The following OGFR variants were observed in gnomAD, a reference collection of about 807,000 sequenced individuals.
OGFR encodes the protein protein 7-60.
In OGFR, 18 loss-of-function variants were observed where a neutral mutation model predicts 33.6. The observed-to-expected ratio is 0.54, with a 90% confidence interval of 0.37 to 0.80. The LOEUF (loss-of-function observed/expected upper bound fraction) is 0.80. OGFR is among the 30% of genes least tolerant of loss of function. The pLI is 0.00. For missense variants in OGFR, 877 were observed against 955.8 expected (o/e 0.92, Z 1.09); for synonymous variants, 370 against 400.7 (o/e 0.92, Z 0.91).
intron 3 of OGFR, among the ~76,000 whole-genome samples, chr20:62,809,172 C>T (rs1272032768): frequency 1.3e-5 from 2 of 152,212 alleles, no homozygotes; most frequent in African/African-American, 4.8e-5. Context: ...GAGACTGTGC[C>T]TGCCACATCA....
At position 62,813,031 on chromosome 20, in the gene OGFR, C is replaced by T; in HGVS notation, c.1416C>T (p.Ala472=). The change falls in exon 7 of 7, where the codon GCC becomes GCT. Residue 472 remains alanine, a synonymous_variant. Coordinates refer to ENST00000290291, the MANE Select transcript of OGFR (RefSeq NM_007346.4). ...GTGCTGGGGACAGTGCTGCGGTGGC[C>T]AGTGGTGGTGCCCAGACCTTGGCCC... The part of the protein sequence containing the change: ...DEGAGDSAAV[A]SGGAQTLALA... 1.2e-6 allele frequency: 2 copies of T among 1,600,842 alleles called. No individual in the cohort carries two copies. Among genetic ancestry groups the T allele is most frequent in the Non-Finnish European group, 1.7e-6 (2 of 1,174,122 alleles).
chr20:62,808,130 C>G, intron 2 of OGFR, 117 bp from the exon 3 acceptor site: 3 of 830,152 alleles, frequency 3.6e-6, no homozygotes, highest in Non-Finnish European at 6.4e-6. Context: ...CAGGCGGGCT[C>G]TTGGGGTATT....
In OGFR at chr20:62,805,013, C is replaced by G; in HGVS notation, c.154C>G (p.Arg52Gly). Residue 52 changes from arginine (R) to glycine (G), a missense_variant, in exon 1 of 7, where the codon CGG (arginine) becomes GGG (glycine). By Grantham distance (125) the Arg-to-Gly change is moderately radical (BLOSUM62 -2). Transcript: ENST00000290291. ...GGAGTCGGAGGAGCCGCGGGCGGCG[C>G]GGCCCAGCTCGTTCCAGGTGCGGCC... is the stretch of plus-strand genomic sequence containing the variant. ...DEESEEPRAA[R>G]PSSFQSRMTG... 7.0e-7 allele frequency: 1 copy of G among 1,427,968 alleles called. No individual in the cohort carries two copies. Among genetic ancestry groups the G allele is most frequent in the Non-Finnish European group, 9.1e-7 (1 of 1,094,888 alleles). The allele number at this position is 1,427,968 out of a possible 1,614,324, so 88.5% of individuals were successfully genotyped here.
At position 62,812,346 on chromosome 20, in the gene OGFR, G is replaced by C. The variant is rs777605843; in HGVS notation, c.731G>C (p.Arg244Pro). The C allele has an allele frequency of 1.9e-6, 3 of 1,564,774 alleles. No homozygotes were observed. In the African/African-American group the frequency reaches 4.1e-5, roughly 21 times the overall value. The change falls in exon 7 of 7, where the codon CGG becomes CCG. Residue 244 changes from arginine to proline, a missense_variant. Physicochemically the swap from Arg to Pro is moderately radical, Grantham distance 103 (BLOSUM62 -2). This residue lies in a region of OGFR where 760 missense variants were observed against 736.0 expected (regional missense o/e 1.03). Transcript: ENST00000290291. Reference protein sequence around the residue: ...RFFLEETLVRRELPGVRQSAL... With the variant: ...RFFLEETLVRPELPGVRQSAL... Reference sequence around the variant, plus strand: ...TTCCTGGAGGAGACGCTGGTGCGGCGGGAGCTGCCGGGGGTGCGGCAGAGT... The same window carrying C: ...TTCCTGGAGGAGACGCTGGTGCGGCCGGAGCTGCCGGGGGTGCGGCAGAGT...
chr20:62,811,626 T>TGGGGCCCC lies in OGFR; in HGVS notation c.614+16_614+17insGGGGCCCC. ...ACCTGAACTGGTGAGGCCCGGCTGC[T>TGGGGCCCC]CCCGCCCACCCCCACCCCGGCGCAG... On this transcript the variant is annotated intron_variant, in intron 6 of 6. Coordinates refer to ENST00000290291, the MANE Select transcript of OGFR (RefSeq NM_007346.4). 1 of 1,502,500 alleles carries TGGGGCCCC rather than the reference T, an allele frequency of 6.7e-7. No individual in the cohort carries two copies. Among genetic ancestry groups the TGGGGCCCC allele is most frequent in the East Asian group, 2.5e-5 (1 of 39,734 alleles). 93.1% of individuals were successfully genotyped at this position (1,502,500 alleles called of 1,614,324 possible).
chr20:62,812,430 A>C lies in OGFR; in HGVS notation c.815A>C (p.His272Pro), dbSNP rs755862042. ...CGACACCAGCGCCGCCAGCTGGTGC[A>C]CTTCGCCTGGGAGCACTTCCGGCCC... The part of the protein sequence containing the change: ...RCRHQRRQLV[H>P]FAWEHFRPRC... The change falls in exon 7 of 7, where the codon CAC (histidine) becomes CCC (proline). Residue 272 changes from histidine (H) to proline (P), a missense_variant. Transcript: ENST00000290291. The C allele has an allele frequency of 1.9e-6, 3 of 1,580,930 alleles. No individual in the cohort carries two copies. The South Asian group carries it at 3.4e-5, about 18-fold the overall frequency.
Position 62,813,779 on chromosome 20 carries a change from C to CA in OGFR, c.*130_*131insA. Reference sequence around the variant, plus strand: ...GACCCATGACCCACAGTGCTGGCCTCCTGTGGGGCCACTATAGCAGCCACC... The same window carrying CA: ...GACCCATGACCCACAGTGCTGGCCTCACTGTGGGGCCACTATAGCAGCCACC... On this transcript the variant is annotated 3_prime_UTR_variant, in exon 7 of 7. Transcript: ENST00000290291. 9.1e-7 allele frequency: 1 copy of CA among 1,099,740 alleles called. No individual in the cohort carries two copies. Among genetic ancestry groups the CA allele is most frequent in the Non-Finnish European group, 1.3e-6 (1 of 750,550 alleles). The allele number at this position is 1,099,740 out of a possible 1,614,324, so 68.1% of individuals were successfully genotyped here.
At position 62,811,207 on chromosome 20, in the gene OGFR, G is replaced by GAA. The variant is rs11482048; in HGVS notation, c.466-249_466-248dup. On this transcript the variant is annotated intron_variant, in intron 5 of 6. Coordinates refer to ENST00000290291, the MANE Select transcript of OGFR (RefSeq NM_007346.4). Reference sequence around the variant, plus strand: ...CAAAACCCCGTTTCTACTAAAAATAGAAAAAAATTAGCCAGGTGTGGTGGC... The same window carrying GAA: ...CAAAACCCCGTTTCTACTAAAAATAGAAAAAAAAATTAGCCAGGTGTGGTGGC... Among the ~76,000 whole-genome samples, 21 of 152,198 alleles carry GAA rather than the reference G, an allele frequency of 1.4e-4. No homozygotes were observed. In the East Asian group the frequency reaches 4.1e-3, roughly 30 times the overall value.
chr20:62,807,266 G>A (rs1228996758), intron 1 of OGFR: 10 of 525,854 alleles, frequency 1.9e-5, no homozygotes, highest in Middle Eastern at 5.1e-4. Flanking sequence ...GTCCCAAAGG[G>A]GCCTAGAGAA....
At chr20:62,807,915 C>G in intron 2 of OGFR, 3 of 599,196 alleles carry the variant, frequency 5.0e-6, no homozygotes, top group Admixed American at 5.9e-5. Flanking sequence ...AGCACCCCAC[C>G]CCCATGCCAG....
rs75570150 is a variant in OGFR at position 62,813,281 on chromosome 20, G to A, written c.1666G>A (p.Glu556Lys). ...PAGPAGDEPA[E>K]SPSETPGPRP... is the part of the protein sequence containing the mutation. ...AGGACCTGCAGGGGACGAGCCAGCC[G>A]AGAGCCCATCGGAGACCCCAGGCCC... is the stretch of plus-strand genomic sequence containing the variant. Residue 556 changes from glutamate to lysine, a missense_variant, in exon 7 of 7, where the codon GAG becomes AAG. Physicochemically the swap from Glu to Lys is moderately conservative, Grantham distance 56. Transcript: ENST00000290291. 1.4e-4 allele frequency: 137 copies of A among 993,360 alleles called. No individual in the cohort carries two copies. Among genetic ancestry groups the A allele is most frequent in the African/African-American group, 2.1e-4 (11 of 51,668 alleles). 61.5% of individuals were successfully genotyped at this position (993,360 alleles called of 1,614,324 possible). A position where few individuals can be genotyped will look rare whatever the true frequency, so the allele number is the denominator to read the frequency against.
Position 62,812,459 on chromosome 20 carries a change from T to C in OGFR, c.844T>C (p.Cys282Arg). ...HFAWEHFRPR[C>R]KFVWGPQDKL... ...CGCCTGGGAGCACTTCCGGCCCCGCTGCAAGTTCGTCTGGGGGCCCCAAGA... is the reference window on the plus strand; with the variant it reads ...CGCCTGGGAGCACTTCCGGCCCCGCCGCAAGTTCGTCTGGGGGCCCCAAGA... The change falls in exon 7 of 7, where the codon TGC (cysteine) becomes CGC (arginine). Residue 282 changes from cysteine to arginine, a missense_variant. By Grantham distance (180) the Cys-to-Arg change is radical. Transcript: ENST00000290291. 1 of 1,580,370 alleles carries C rather than the reference T, an allele frequency of 6.3e-7. No individual in the cohort carries two copies. Among genetic ancestry groups the C allele is most frequent in the Non-Finnish European group, 8.6e-7 (1 of 1,163,628 alleles).
At chr20:62,806,912 T>G (rs1990606368) in intron 1 of OGFR, 1 of 155,086 alleles carries the variant, frequency 6.4e-6, no homozygotes, top group Non-Finnish European at 1.4e-5. Flanking sequence ...CCTGACATCT[T>G]GCTGAGAAGC....
At position 62,812,802 on chromosome 20, in the gene OGFR, C is replaced by T. The variant is rs1990765534; in HGVS notation, c.1187C>T (p.Pro396Leu). 1 of 1,612,650 alleles carries T rather than the reference C, an allele frequency of 6.2e-7. No individual in the cohort carries two copies. Among genetic ancestry groups the T allele is most frequent in the Non-Finnish European group, 8.5e-7 (1 of 1,179,868 alleles). Reference sequence around the variant, plus strand: ...GAGCTGAGCCGGCGGGAGCAGCCGCCCACAGAGCCAGGCCCTCAGAGTGCC... The same window carrying T: ...GAGCTGAGCCGGCGGGAGCAGCCGCTCACAGAGCCAGGCCCTCAGAGTGCC... ...KLELSRREQP[P>L]TEPGPQSASE... Residue 396 changes from proline (P) to leucine (L), a missense_variant, in exon 7 of 7, where the codon CCC becomes CTC. Physicochemically the swap from Pro to Leu is moderately conservative, Grantham distance 98. Transcript: ENST00000290291.
At position 62,810,946 on chromosome 20, in the gene OGFR, CT is replaced by C. The variant is rs1990715364; in HGVS notation, c.465+384del. On this transcript the variant is annotated intron_variant, in intron 5 of 6. Coordinates refer to ENST00000290291, the MANE Select transcript of OGFR (RefSeq NM_007346.4). ...GAGAGCCGAGGGGCCCCTCCTGGCA[CT>C]TTCCCATGGCCAGCGACTTCCTCTC... is the stretch of plus-strand genomic sequence containing the variant. Among the ~76,000 whole-genome samples the C allele has an allele frequency of 3.9e-5, 6 of 152,376 alleles. No individual in the cohort carries two copies. The South Asian group carries it at 1.2e-3, about 32-fold the overall frequency.
chr20:62,804,846 C>T lies in OGFR; in HGVS notation c.-14C>T. On this transcript the variant is annotated 5_prime_UTR_variant, in exon 1 of 7. Transcript: ENST00000290291. The stretch of plus-strand genomic sequence containing the variant: ...TCGCTTCCGCCTCCAGCGCGAGCCC[C>T]GCCGCCGCCGAGCATGGACGACCCC... 6.9e-7 allele frequency: 1 copy of T among 1,447,078 alleles called. No homozygotes were observed. The highest frequency in any genetic ancestry group is 3.1e-5 in the East Asian group (1 of 32,728). The allele number at this position is 1,447,078 out of a possible 1,614,324, so 89.6% of individuals were successfully genotyped here.
intron 1 of OGFR, chr20:62,805,632 C>T (rs1990573984): frequency 6.6e-6 from 1 of 152,320 alleles, no homozygotes; most frequent in South Asian, 2.1e-4. Context: ...AGCGGCCTTC[C>T]AGCTGAGCTG....
Position 62,813,840 on chromosome 20 carries a change from G to A in OGFR, c.*191G>A. The A allele has an allele frequency of 1.5e-6, 1 of 645,634 alleles. No homozygotes were observed. The highest frequency in any genetic ancestry group is 2.7e-6 in the Non-Finnish European group (1 of 376,614). The allele number at this position is 645,634 out of a possible 1,614,324, so 40.0% of individuals were successfully genotyped here. A position where few individuals can be genotyped will look rare whatever the true frequency, so the allele number is the denominator to read the frequency against. On this transcript the variant is annotated 3_prime_UTR_variant, in exon 7 of 7. Coordinates refer to ENST00000290291, the MANE Select transcript of OGFR (RefSeq NM_007346.4). ...AGGCCCTCAGGGAAGCCCAAGGCCT[G>A]CAGAAGCCTCCTGGCCTGGCTGTGT...
rs1990811422 is a variant in OGFR at position 62,813,874 on chromosome 20, C to T, written c.*225C>T. On this transcript the variant is annotated 3_prime_UTR_variant, in exon 7 of 7. Transcript: ENST00000290291. ...TCCTGGCCTGGCTGTGTCTTCCCCACCCAGCTCTCCCCTGCGCCCCTGTCT... is the reference window on the plus strand; with the variant it reads ...TCCTGGCCTGGCTGTGTCTTCCCCATCCAGCTCTCCCCTGCGCCCCTGTCT... The T allele has an allele frequency of 3.3e-6, 2 of 600,096 alleles. No individual in the cohort carries two copies. The highest frequency in any genetic ancestry group is 5.9e-6 in the Non-Finnish European group (2 of 339,328). The allele number at this position is 600,096 out of a possible 1,614,324, so 37.2% of individuals were successfully genotyped here. A position where few individuals can be genotyped will look rare whatever the true frequency, so the allele number is the denominator to read the frequency against.
Sources: allele counts gnomAD v4.1 joint callset (sites outside exome capture counted in the v4.1 genomes callset), GRCh38; gene constraint gnomAD v4.1.1; regional missense constraint gnomAD v4.1.1; transcripts MANE v1.5; gene names NCBI Gene and HGNC (gene_info 2026-07-23, HGNC 2026-07-21).